Variants in FRMD4A observed in about 807,000 individuals in gnomAD.
The protein encoded by FRMD4A is FERM domain-containing protein 4A.
In FRMD4A, 29 loss-of-function variants were observed where a neutral mutation model predicts 129.1. The ratio of observed to expected loss-of-function variants is 0.22; its 90% CI spans 0.17 to 0.31. The LOEUF is 0.31. FRMD4A is among the 10% of genes least tolerant of loss of function. The pLI, the probability that FRMD4A is intolerant of heterozygous loss-of-function variation, is 1.00. For missense variants in FRMD4A, 1,272 were observed against 1,375.8 expected (o/e 0.92, Z 1.19); for synonymous variants, 634 against 571.6 (o/e 1.11, Z -1.56).
intron 2 of FRMD4A, among the ~76,000 whole-genome samples, chr10:14,239,037 G>C (rs1843936034): frequency 6.6e-6 from 1 of 152,116 alleles, no homozygotes; most frequent in Non-Finnish European, 1.5e-5. Flanking sequence ...GTAAAAATAT[G>C]TGTCAATATT....
At chr10:13,856,056 A>ATCTG (rs1173952172) in intron 3 of FRMD4A, among the ~76,000 whole-genome samples, 2 of 151,668 alleles carry the variant, frequency 1.3e-5, no homozygotes, top group South Asian at 2.1e-4. Context: ...CTATCTATCT[A>ATCTG]TCTATGTATA....
intron 2 of FRMD4A, among the ~76,000 whole-genome samples, chr10:13,987,161 T>C (rs1203767338): frequency 1.3e-5 from 2 of 152,140 alleles, no homozygotes; most frequent in African/African-American, 2.4e-5. Context: ...GTCACTGTAC[T>C]TAATGTTTAC....
At chr10:14,075,181 G>GTCTA (rs1038556046) in intron 2 of FRMD4A, among the ~76,000 whole-genome samples, 3 of 152,116 alleles carry the variant, frequency 2.0e-5, no homozygotes, top group African/African-American at 7.2e-5. Context: ...ACAATAAATG[G>GTCTA]TCTACATCAC....
At chr10:13,769,241 GTA>G (rs1295154195) in intron 6 of FRMD4A, among the ~76,000 whole-genome samples, 1 of 150,490 alleles carries the variant, frequency 6.6e-6, no homozygotes, top group Non-Finnish European at 1.5e-5. Flanking sequence ...GTGTGTGTGC[GTA>G]TGTGTGTGTA....
chr10:14,048,759 T>C (rs1300389643), intron 2 of FRMD4A, among the ~76,000 whole-genome samples: 2 of 151,872 alleles, frequency 1.3e-5, no homozygotes, highest in African/African-American at 4.8e-5. Context: ...TGAGCTGAGA[T>C]CGCACCACCG....
intron 2 of FRMD4A, among the ~76,000 whole-genome samples, chr10:13,873,043 G>A (rs2094454299): frequency 6.6e-6 from 1 of 151,978 alleles, no homozygotes; most frequent in Non-Finnish European, 1.5e-5. Flanking sequence ...GGGCATGGTG[G>A]TGAACGCCTA....
chr10:13,834,135 G>A (rs1453997306), intron 3 of FRMD4A, among the ~76,000 whole-genome samples: 2 of 152,184 alleles, frequency 1.3e-5, no homozygotes, highest in African/African-American at 4.8e-5. Context: ...ACGGTGGTGG[G>A]TGACTGTAAT....
intron 2 of FRMD4A, among the ~76,000 whole-genome samples, chr10:13,970,165 C>T (rs1032768854): frequency 2.0e-5 from 3 of 152,180 alleles, no homozygotes; most frequent in African/African-American, 7.2e-5. Context: ...AAGGATTTCT[C>T]TAAAAGTTTC....
chr10:14,088,061 G>A (rs536768553), intron 2 of FRMD4A, among the ~76,000 whole-genome samples: 1 of 152,236 alleles, frequency 6.6e-6, no homozygotes, highest in South Asian at 2.1e-4. Context: ...ACTTTACTTA[G>A]GAATGTAGGA....
At chr10:14,273,272 AT>A (rs1845227877) in intron 2 of FRMD4A, among the ~76,000 whole-genome samples, 2 of 151,974 alleles carry the variant, frequency 1.3e-5, no homozygotes, top group African/African-American at 4.8e-5. Context: ...AAAAATATAT[AT>A]ATCTTTTTAG....
chr10:13,925,835 G>A (rs984790791), intron 2 of FRMD4A, among the ~76,000 whole-genome samples: 2 of 150,186 alleles, frequency 1.3e-5, no homozygotes, highest in Admixed American at 6.6e-5. Context: ...TGCCCACCTC[G>A]GCCTCCCAGA....
chr10:13,839,834 G>T (rs1462007595), intron 3 of FRMD4A, among the ~76,000 whole-genome samples: 1 of 152,208 alleles, frequency 6.6e-6, no homozygotes, highest in Non-Finnish European at 1.5e-5. Flanking sequence ...TGCTGCCCCA[G>T]CTGGAGGCCC....
At chr10:13,944,883 T>C (rs1870748) in intron 2 of FRMD4A, among the ~76,000 whole-genome samples, 7,892 of 152,216 alleles carry the variant, frequency 0.052, 498 homozygotes, top group East Asian at 0.27. Flanking sequence ...AATAGCTGAG[T>C]CTTTGCCAGA....
chr10:14,186,514 T>C (rs886230090), intron 2 of FRMD4A, among the ~76,000 whole-genome samples: 4 of 152,134 alleles, frequency 2.6e-5, no homozygotes, highest in African/African-American at 4.8e-5. Flanking sequence ...CTGGGAACAA[T>C]AAAAGCTTTG....
chr10:14,023,264 A>G (rs929445443), intron 2 of FRMD4A, among the ~76,000 whole-genome samples: 4 of 152,156 alleles, frequency 2.6e-5, no homozygotes, highest in African/African-American at 9.7e-5. Flanking sequence ...AGCCCTGGGA[A>G]GGGCGATTCC....
intron 2 of FRMD4A, among the ~76,000 whole-genome samples, chr10:14,015,556 T>C (rs2095696526): frequency 6.6e-6 from 1 of 152,132 alleles, no homozygotes; most frequent in Non-Finnish European, 1.5e-5. Flanking sequence ...CTCCTGCTTA[T>C]CCTTGCTGTG....
chr10:13,905,009 A>AAAAAAAG (rs2094867058), intron 2 of FRMD4A, among the ~76,000 whole-genome samples: 1 of 150,976 alleles, frequency 6.6e-6, no homozygotes, highest in Non-Finnish European at 1.5e-5. Flanking sequence ...AAAAAAAAAA[A>AAAAAAAG]AGAAAAGAAA....
intron 2 of FRMD4A, among the ~76,000 whole-genome samples, chr10:14,191,395 C>A (rs1564376005): frequency 6.6e-6 from 1 of 152,164 alleles, no homozygotes; most frequent in South Asian, 2.1e-4. Context: ...AGTAGAAGTG[C>A]CAGCTCCTAA....
intron 2 of FRMD4A, among the ~76,000 whole-genome samples, chr10:14,324,236 A>G (rs1365085939): frequency 6.6e-6 from 1 of 152,260 alleles, no homozygotes; most frequent in African/African-American, 2.4e-5. Flanking sequence ...TTTGAAACAG[A>G]TAAATTTGTA....
Sources: gnomAD v4.1 joint callset for allele counts (sites outside exome capture counted in the v4.1 genomes callset) on GRCh38, gnomAD v4.1.1 for gene constraint, MANE v1.5 for transcripts, NCBI Gene and HGNC (gene_info 2026-07-23, HGNC 2026-07-21) for gene names.